EPHA5: variants seen among roughly 807,000 people sequenced by gnomAD.
EPHA5 encodes ephrin type-A receptor 5.
EPHA5 carries 60 observed loss-of-function variants against 105.0 expected under a neutral mutation model. That is an observed-to-expected ratio of 0.57 (90% confidence interval 0.46 to 0.71). EPHA5 has a LOEUF of 0.71. EPHA5 is among the 30% of genes least tolerant of loss of function. The pLI is 0.00. For synonymous variants in EPHA5, 513 were observed against 449.1 expected, an observed-to-expected ratio of 1.14 and a Z score of -1.80; for missense variants, 1,218 against 1,274.7, an observed-to-expected ratio of 0.96 and a Z score of 0.68.
At chr4:65,530,040 C>A (rs900116577) in intron 3 of EPHA5, among the ~76,000 whole-genome samples, 2 of 151,862 alleles carry the variant, frequency 1.3e-5, no homozygotes, top group Non-Finnish European at 2.9e-5. Context: ...GTGACAGGTG[C>A]CAGGTGAATA....
chr4:65,527,899 T>G (rs2149294613), intron 3 of EPHA5, among the ~76,000 whole-genome samples: 1 of 152,210 alleles, frequency 6.6e-6, no homozygotes, highest in African/African-American at 2.4e-5. Context: ...CGTGTCCGTT[T>G]GTTCTCATCA....
chr4:65,644,708 G>A (rs1262764780), intron 1 of EPHA5, among the ~76,000 whole-genome samples: 1 of 151,890 alleles, frequency 6.6e-6, no homozygotes, highest in African/African-American at 2.4e-5. Context: ...TTATTTCACA[G>A]TAGCAAAAAT....
At chr4:65,446,673 T>G (rs991820089) in intron 5 of EPHA5, among the ~76,000 whole-genome samples, 1 of 151,856 alleles carries the variant, frequency 6.6e-6, no homozygotes, top group East Asian at 2.0e-4. Flanking sequence ...AGTGTAGGGA[T>G]GCTCATGTAT....
chr4:65,651,133 G>T (rs1175499407), intron 1 of EPHA5, among the ~76,000 whole-genome samples: 1 of 152,174 alleles, frequency 6.6e-6, no homozygotes, highest in South Asian at 2.1e-4. Context: ...TGCTGGGAAT[G>T]GATGTATTTC....
At chr4:65,653,255 T>TAAA (rs1748768430) in intron 1 of EPHA5, among the ~76,000 whole-genome samples, 5 of 152,070 alleles carry the variant, frequency 3.3e-5, no homozygotes, top group Non-Finnish European at 7.4e-5. Flanking sequence ...CTTGATGACC[T>TAAA]AGTACTCCTG....
Position 65,497,178 on chromosome 4 carries a change from T to C in EPHA5, c.911-1635A>G, listed in dbSNP as rs547062041. ...ACATATACTGAAGTATGACGCATATTTGCTGAAGCTCAAAGGTGAACTTGT... is the reference window on the plus strand; with the variant it reads ...ACATATACTGAAGTATGACGCATATCTGCTGAAGCTCAAAGGTGAACTTGT... On this transcript the variant is annotated intron_variant, in intron 3 of 16. Transcript: ENST00000613740. Among the ~76,000 whole-genome samples the C allele has an allele frequency of 1.4e-4, 22 of 152,258 alleles. No homozygotes were observed. The South Asian group carries it at 1.4e-3, about 10-fold the overall frequency.
At position 65,620,130 on chromosome 4, in the gene EPHA5, T is replaced by TATATATATATA. The variant is rs1389832477; in HGVS notation, c.247-17827_247-17826insTATATATATAT. Among the ~76,000 whole-genome samples, 31 of 103,846 alleles carry TATATATATATA rather than the reference T, an allele frequency of 3.0e-4. 1 individual carries two copies. In the South Asian group the frequency reaches 9.3e-3, roughly 31 times the overall value. 68.1% of individuals were successfully genotyped at this position (103,846 alleles called of 152,430 possible). ...CAGGTATATATATATATATATATAT[T>TATATATATATA]AAATATATGATAGTAATAACTGTTT... On this transcript the variant is annotated intron_variant, in intron 2 of 16. Transcript: ENST00000613740.
intron 5 of EPHA5, among the ~76,000 whole-genome samples, chr4:65,432,579 C>T (rs4516774): frequency 6.6e-6 from 1 of 152,106 alleles, no homozygotes; most frequent in Non-Finnish European, 1.5e-5. Context: ...TTTTGTTTTT[C>T]TTTTTTAATA....
At chr4:65,573,536 G>A in intron 3 of EPHA5, 12 of 1,598,026 alleles carry the variant, frequency 7.5e-6, no homozygotes, top group Non-Finnish European at 1.0e-5. Flanking sequence ...CTGGTGGCAA[G>A]GTGAAAAAGG....
chr4:65,606,276 C>T (rs904553971), intron 2 of EPHA5, among the ~76,000 whole-genome samples: 2 of 152,228 alleles, frequency 1.3e-5, no homozygotes, highest in Admixed American at 1.3e-4. Context: ...TACAACAGGG[C>T]ACAGAGTAGG....
At chr4:65,451,433 A>G (rs1325842215) in intron 5 of EPHA5, among the ~76,000 whole-genome samples, 1 of 152,128 alleles carries the variant, frequency 6.6e-6, no homozygotes, top group Non-Finnish European at 1.5e-5. Context: ...CTAGCCATTG[A>G]TTATAGTAGG....
At chr4:65,347,348 A>G (rs1284050109) in intron 14 of EPHA5, among the ~76,000 whole-genome samples, 1 of 152,196 alleles carries the variant, frequency 6.6e-6, no homozygotes, top group Non-Finnish European at 1.5e-5. Flanking sequence ...TCAAAATAAA[A>G]ATATGAAATT....
intron 5 of EPHA5, among the ~76,000 whole-genome samples, chr4:65,489,130 C>T (rs962438051): frequency 6.6e-6 from 1 of 152,008 alleles, no homozygotes; most frequent in Non-Finnish European, 1.5e-5. Flanking sequence ...ATCTCCTGAC[C>T]TCGTGATCCA....
At chr4:65,477,012 G>A (rs554090941) in intron 5 of EPHA5, among the ~76,000 whole-genome samples, 2 of 152,242 alleles carry the variant, frequency 1.3e-5, no homozygotes, top group South Asian at 2.1e-4. Flanking sequence ...CTGATTTGAA[G>A]AACAGGAAAA....
chr4:65,465,571 AGG>A (rs1382646735), intron 5 of EPHA5, among the ~76,000 whole-genome samples: 3,683 of 147,730 alleles, frequency 0.025, 300 homozygotes, highest in African/African-American at 0.09. Flanking sequence ...AAGGAAAGGA[AGG>A]AAAGGAAGGA....
At chr4:65,555,758 T>C (rs949885035) in intron 3 of EPHA5, among the ~76,000 whole-genome samples, 6 of 141,856 alleles carry the variant, frequency 4.2e-5, no homozygotes, top group Non-Finnish European at 7.4e-5. Context: ...GCCAAACTAG[T>C]GCTACAATGA....
chr4:65,342,547 CAT>C (rs1326814039), intron 14 of EPHA5, among the ~76,000 whole-genome samples: 1 of 151,236 alleles, frequency 6.6e-6, no homozygotes, highest in African/African-American at 2.4e-5. Context: ...AATATGTATA[CAT>C]ATGTATATGT....
intron 7 of EPHA5, among the ~76,000 whole-genome samples, chr4:65,408,065 T>C (rs981158523): frequency 1.3e-5 from 2 of 152,222 alleles, no homozygotes; most frequent in Admixed American, 6.5e-5. Flanking sequence ...AATTAATTTG[T>C]GAGCTATTTC....
At chr4:65,383,027 A>ATAT (rs2148934287) in intron 8 of EPHA5, among the ~76,000 whole-genome samples, 1 of 149,418 alleles carries the variant, frequency 6.7e-6, no homozygotes, top group African/African-American at 2.4e-5. Context: ...ATATATAATT[A>ATAT]AACATATAAT....
Sources: allele counts gnomAD v4.1 joint callset (sites outside exome capture counted in the v4.1 genomes callset), GRCh38; gene constraint gnomAD v4.1.1; transcripts MANE v1.5; gene names NCBI Gene and HGNC (gene_info 2026-07-23, HGNC 2026-07-21).